The following CSMD1 variants were observed in gnomAD, a reference collection of about 807,000 sequenced individuals.
CSMD1 encodes CUB and sushi domain-containing protein 1.
CSMD1 carries 213 observed loss-of-function variants against 417.5 expected under a neutral mutation model. The observed-to-expected ratio is 0.51, with a 90% CI of 0.46 to 0.57. The LOEUF (loss-of-function observed/expected upper bound fraction) is 0.57, where lower values mean the gene tolerates loss of function less well. CSMD1 is among the 20% of genes least tolerant of loss of function. The pLI is 0.00. For synonymous variants in CSMD1, 2,862 were observed against 1,736.8 expected (o/e 1.65, Z -16.11); for missense variants, 6,923 against 4,529.7 (o/e 1.53, Z -15.17).
At chr8:4,370,653 G>T (rs753950557) in intron 3 of CSMD1, among the ~76,000 whole-genome samples, 2 of 151,964 alleles carry the variant, frequency 1.3e-5, no homozygotes, top group Admixed American at 1.3e-4. Flanking sequence ...TTTAATTTTT[G>T]TATGCTCACG....
At chr8:4,867,631 G>T (rs548614962) in intron 1 of CSMD1, among the ~76,000 whole-genome samples, 1 of 151,924 alleles carries the variant, frequency 6.6e-6, no homozygotes, top group Non-Finnish European at 1.5e-5. Flanking sequence ...ACTTTATTAT[G>T]TCGCAATGCC....
chr8:2,948,167 C>T (rs941519437), intron 68 of CSMD1, among the ~76,000 whole-genome samples: 3 of 151,964 alleles, frequency 2.0e-5, no homozygotes, highest in African/African-American at 4.8e-5. Context: ...TACAAAAATG[C>T]GTTTCCTTTT....
At chr8:3,779,845 T>C (rs1316757144) in intron 5 of CSMD1, among the ~76,000 whole-genome samples, 1 of 152,220 alleles carries the variant, frequency 6.6e-6, no homozygotes, top group East Asian at 1.9e-4. Flanking sequence ...AAAATAGTTG[T>C]TTAAGGTGTT....
At chr8:4,972,066 C>T (rs13264559) in intron 1 of CSMD1, among the ~76,000 whole-genome samples, 1 of 151,868 alleles carries the variant, frequency 6.6e-6, no homozygotes, top group South Asian at 2.1e-4. Context: ...AAGAGGTAAG[C>T]GATACCATAC....
At chr8:3,523,902 C>T (rs1327757956) in intron 10 of CSMD1, among the ~76,000 whole-genome samples, 2 of 151,252 alleles carry the variant, frequency 1.3e-5, no homozygotes, top group Non-Finnish European at 2.9e-5. Context: ...GACATATGCA[C>T]ACATGTACAC....
At position 2,963,279 on chromosome 8, in the gene CSMD1, C is replaced by A. The variant is rs747977851; in HGVS notation, c.9397G>T (p.Ala3133Ser). 1.2e-6 allele frequency: 2 copies of A among 1,613,280 alleles called. No homozygotes were observed. Among genetic ancestry groups the A allele is most frequent in the South Asian group, 1.1e-5 (1 of 91,084 alleles). The change falls in exon 60 of 70, where the codon GCC becomes TCC. Residue 3133 changes from alanine to serine, a missense_variant. Transcript: ENST00000635120. ...CMDGYQLSHS[A>S]ILSCEGRGVW... ...CCGCGACCTTCACAGGAGAGGATGG[C>A]GGAGTGAGAGAGCTGGTAACCGTCC...
chr8:4,378,503 T>C, intron 3 of CSMD1, among the ~76,000 whole-genome samples: 1 of 152,330 alleles, frequency 6.6e-6, no homozygotes, highest in Non-Finnish European at 1.5e-5. Flanking sequence ...TCTCTCTCTC[T>C]CTTTCTCTCT....
intron 5 of CSMD1, among the ~76,000 whole-genome samples, chr8:3,995,008 C>T (rs1459138716): frequency 6.6e-6 from 1 of 152,140 alleles, no homozygotes; most frequent in African/African-American, 2.4e-5. Flanking sequence ...GAAGAGGTCG[C>T]AGCACCCACA....
chr8:3,050,358 G>C (rs957548985), intron 50 of CSMD1, among the ~76,000 whole-genome samples: 1 of 152,078 alleles, frequency 6.6e-6, no homozygotes, highest in Non-Finnish European at 1.5e-5. Context: ...GTTTTTATGA[G>C]TTTTGTAGAT....
chr8:4,712,801 G>A (rs1808394893), intron 1 of CSMD1, among the ~76,000 whole-genome samples: 2 of 152,114 alleles, frequency 1.3e-5, no homozygotes, highest in African/African-American at 2.4e-5. Context: ...TCGTGCTGAG[G>A]CACATACATG....
At chr8:4,239,518 T>C (rs1045784074) in intron 3 of CSMD1, among the ~76,000 whole-genome samples, 18 of 152,178 alleles carry the variant, frequency 1.2e-4, no homozygotes, top group African/African-American at 3.4e-4. Flanking sequence ...TCCTCAGAGC[T>C]GGTTTTGGTG....
intron 4 of CSMD1, among the ~76,000 whole-genome samples, chr8:4,021,168 G>A (rs143472639): frequency 6.6e-6 from 1 of 152,252 alleles, no homozygotes; most frequent in African/African-American, 2.4e-5. Context: ...CGTGAAATGT[G>A]GCTAGTCAGC....
chr8:3,319,957 T>C (rs537543931), intron 23 of CSMD1, among the ~76,000 whole-genome samples: 36 of 152,310 alleles, frequency 2.4e-4, no homozygotes, highest in African/African-American at 8.4e-4. Flanking sequence ...TTTATTGTTA[T>C]CACCTTAGAC....
At chr8:3,477,404 T>C (rs1265806481) in intron 11 of CSMD1, among the ~76,000 whole-genome samples, 4 of 152,214 alleles carry the variant, frequency 2.6e-5, no homozygotes, top group Non-Finnish European at 4.4e-5. Flanking sequence ...GCATAAATTG[T>C]TCAGAATGTG....
intron 23 of CSMD1, among the ~76,000 whole-genome samples, chr8:3,324,547 G>T (rs73657813): frequency 0.014 from 1,177 of 82,154 alleles, no homozygotes; most frequent in African/African-American, 0.03. Context: ...CCCACCATTC[G>T]TCACTGTTAA....
At chr8:3,574,828 T>C in intron 10 of CSMD1, 117 bp downstream of exon 10, 1 of 1,243,978 alleles carries the variant, frequency 8.0e-7, no homozygotes. Flanking sequence ...CTGGAACTTT[T>C]AAATTCAAAC....
intron 40 of CSMD1, among the ~76,000 whole-genome samples, chr8:3,147,378 G>T (rs1049750458): frequency 6.6e-6 from 1 of 152,146 alleles, no homozygotes. Context: ...TAAGAATCTT[G>T]TGAAAACCTT....
At chr8:4,751,728 G>C (rs1344585357) in intron 1 of CSMD1, among the ~76,000 whole-genome samples, 2 of 152,108 alleles carry the variant, frequency 1.3e-5, no homozygotes, top group African/African-American at 2.4e-5. Flanking sequence ...TTCCCTGTCA[G>C]TCTGCTGTGG....
chr8:3,819,690 G>T (rs965741330), intron 5 of CSMD1, among the ~76,000 whole-genome samples: 11 of 152,092 alleles, frequency 7.2e-5, no homozygotes, highest in Non-Finnish European at 1.5e-4. Flanking sequence ...GGTCTTAGGT[G>T]ATCCTCCAAT....
Sources: gnomAD v4.1 joint callset for allele counts (sites outside exome capture counted in the v4.1 genomes callset) on GRCh38, gnomAD v4.1.1 for gene constraint, MANE v1.5 for transcripts, NCBI Gene and HGNC (gene_info 2026-07-23, HGNC 2026-07-21) for gene names.